Variants in DOHH observed in about 807,000 individuals in gnomAD.
DOHH encodes the protein deoxyhypusine hydroxylase, also known as HEAT-like (PBS lyase) repeat containing 1.
DOHH carries 16 observed loss-of-function variants against 19.9 expected under a neutral mutation model. The ratio of observed to expected loss-of-function variants is 0.80; its 90% CI spans 0.54 to 1.22. The LOEUF (loss-of-function observed/expected upper bound fraction) is 1.22. Ranked by LOEUF, DOHH falls within the 50% of genes most tolerant of loss-of-function variation. The probability of loss-of-function intolerance (pLI) is 0.00; values close to 1 mark genes in which losing one functional copy is unlikely to be tolerated. For missense variants in DOHH, 460 were observed against 460.6 expected, an observed-to-expected ratio of 1.00 and a Z score of 0.01; for synonymous variants, 233 against 217.0, an observed-to-expected ratio of 1.07 and a Z score of -0.65.
chr19:3,495,575 G>A lies in DOHH; in HGVS notation c.274+966C>T, dbSNP rs370852625. On this transcript the variant is annotated intron_variant, in intron 2 of 4. Transcript: ENST00000427575. ...AGGGATTGGGGATCTATGGCTTGTC[G>A]CTTGTTTTTATACGAGCAAAGAATG... is the stretch of plus-strand genomic sequence containing the variant. Among the ~76,000 whole-genome samples, 17 of 152,274 alleles carry A rather than the reference G, an allele frequency of 1.1e-4. No homozygotes were observed. In the East Asian group the frequency reaches 1.3e-3, roughly 12 times the overall value.
rs541126455 is a variant in DOHH at position 3,492,600 on chromosome 19, G to A, written c.352-101C>T. On this transcript the variant is annotated intron_variant, in intron 3 of 4. Coordinates refer to ENST00000427575, the MANE Select transcript of DOHH (RefSeq NM_001145165.2). Reference sequence around the variant, plus strand: ...AGCTTAGCAGGGGAGAGAGACACTGGCAGGGTGACTAACCCATCATTCCAG... The same window carrying A: ...AGCTTAGCAGGGGAGAGAGACACTGACAGGGTGACTAACCCATCATTCCAG... The A allele has an allele frequency of 1.1e-5, 10 of 947,146 alleles. No homozygotes were observed. In the East Asian group the frequency reaches 2.6e-4, roughly 25 times the overall value. The allele number at this position is 947,146 out of a possible 1,614,324, so 58.7% of individuals were successfully genotyped here.
At chr19:3,499,161 G>A (rs116099208) in intron 1 of DOHH, among the ~76,000 whole-genome samples, 2,691 of 152,192 alleles carry the variant, frequency 0.018, 76 homozygotes, top group African/African-American at 0.061. Flanking sequence ...ATAGCAGCCC[G>A]ACCCTCAGTT....
chr19:3,491,193 G>T lies in DOHH; in HGVS notation c.*299C>A. 4.3e-6 allele frequency: 2 copies of T among 469,924 alleles called. No homozygotes were observed. The highest frequency in any genetic ancestry group is 7.5e-6 in the Non-Finnish European group (2 of 268,248). 29.1% of individuals were successfully genotyped at this position (469,924 alleles called of 1,614,324 possible). On this transcript the variant is annotated 3_prime_UTR_variant, in exon 5 of 5. Coordinates refer to ENST00000427575, the MANE Select transcript of DOHH (RefSeq NM_001145165.2). This position sits in a 1 kb window ranked among gnomAD's most constrained non-coding sequence, Gnocchi z 5.6. Reference sequence around the variant, plus strand: ...TCGCGATCCTCCCCTGGCTTCCCTCGCAATCCTCCCCTGTCCTGAGCCGGG... The same window carrying T: ...TCGCGATCCTCCCCTGGCTTCCCTCTCAATCCTCCCCTGTCCTGAGCCGGG...
At chr19:3,498,953 G>A (rs1434758871) in intron 1 of DOHH, among the ~76,000 whole-genome samples, 1 of 152,200 alleles carries the variant, frequency 6.6e-6, no homozygotes, top group Non-Finnish European at 1.5e-5. Context: ...ATTAAAAGAA[G>A]TTAGTCACTT....
At chr19:3,499,557 G>C (rs570558174) in intron 1 of DOHH, among the ~76,000 whole-genome samples, 201 of 152,280 alleles carry the variant, frequency 1.3e-3, no homozygotes, top group African/African-American at 4.5e-3. Flanking sequence ...CAGACCATCT[G>C]AGTTCAGGAG....
At chr19:3,492,547 G>A in intron 3 of DOHH, 48 bp from the exon 4 acceptor site, 1 of 1,328,092 alleles carries the variant, frequency 7.5e-7, no homozygotes, top group Non-Finnish European at 9.6e-7. Context: ...GGGGGTCGCA[G>A]GGGCCCTTCC....
chr19:3,499,026 G>A (rs1302987584), intron 1 of DOHH, among the ~76,000 whole-genome samples: 1 of 152,180 alleles, frequency 6.6e-6, no homozygotes, highest in African/African-American at 2.4e-5. Context: ...TATAAGCTCT[G>A]GAAAACTTTG....
In DOHH at chr19:3,496,807, G is replaced by A. The variant is rs200328323; in HGVS notation, c.8C>T (p.Thr3Met). 284 of 1,586,784 alleles carry A rather than the reference G, an allele frequency of 1.8e-4. No homozygotes were observed. Among genetic ancestry groups the A allele is most frequent in the Middle Eastern group, 4.0e-4 (2 of 4,976 alleles). Residue 3 changes from threonine to methionine, a missense_variant, in exon 2 of 5, where the codon ACG becomes ATG. Coordinates refer to ENST00000427575, the MANE Select transcript of DOHH (RefSeq NM_001145165.2). The surrounding 1 kb of genome is among the most constrained non-coding windows in gnomAD (Gnocchi z 4.8). The part of the protein sequence containing the change: MV[T>M]EQEVDAIGQT... Reference sequence around the variant, plus strand: ...CCCGATGGCATCCACCTCCTGCTCCGTCACCATCGTGCTGTCAATGGGTCC... The same window carrying A: ...CCCGATGGCATCCACCTCCTGCTCCATCACCATCGTGCTGTCAATGGGTCC...
At chr19:3,492,130 C>G in intron 4 of DOHH, 132 bp downstream of exon 4, 1 of 884,878 alleles carries the variant, frequency 1.1e-6, no homozygotes, top group Non-Finnish European at 1.6e-6. Context: ...TAAGAGGCCC[C>G]ATGGGAAATG....
chr19:3,492,471 C>T lies in DOHH; in HGVS notation c.380G>A (p.Arg127His), dbSNP rs2082878083. 2 of 1,413,260 alleles carry T rather than the reference C, an allele frequency of 1.4e-6. No individual in the cohort carries two copies. The highest frequency in any genetic ancestry group is 1.5e-5 in the African/African-American group (1 of 66,518). 87.5% of individuals were successfully genotyped at this position (1,413,260 alleles called of 1,614,324 possible). ...EVAETCQLAV[R>H]RLEWLQQHGG... ...GTGCTGCTGCAGCCACTCCAGCCTG[C>T]GCACGGCCAGCTGGCAGGTCTCGGC... is the stretch of plus-strand genomic sequence containing the variant. The change falls in exon 4 of 5, where the codon CGC becomes CAC. Residue 127 changes from arginine (R) to histidine (H), a missense_variant. Coordinates refer to ENST00000427575, the MANE Select transcript of DOHH (RefSeq NM_001145165.2).
intron 3 of DOHH, 38 bp downstream of exon 3, chr19:3,493,990 C>A (rs1308239601): frequency 6.3e-7 from 1 of 1,595,568 alleles, no homozygotes; most frequent in Admixed American, 1.7e-5. Context: ...TTCCCAGGGA[C>A]CCGAGACTGG....
Position 3,495,652 on chromosome 19 carries a change from G to A in DOHH, c.274+889C>T, listed in dbSNP as rs530656057. ...AGGCGGGGTGCGATGGCTCATGCCT[G>A]TAATCCCAGCACTTTGGGAGGCCGA... On this transcript the variant is annotated intron_variant, in intron 2 of 4. Transcript: ENST00000427575. Among the ~76,000 whole-genome samples, 26 of 152,298 alleles carry A rather than the reference G, an allele frequency of 1.7e-4. 1 individual carries two copies. The highest frequency in any genetic ancestry group is 5.5e-4 in the African/African-American group (23 of 41,564).
At chr19:3,493,725 C>A (rs1188710138) in intron 3 of DOHH, among the ~76,000 whole-genome samples, 1 of 151,934 alleles carries the variant, frequency 6.6e-6, no homozygotes, top group Non-Finnish European at 1.5e-5. Flanking sequence ...GGGGTCTTGG[C>A]AGAGGGACTG....
At chr19:3,492,620 T>G in intron 3 of DOHH, 121 bp from the exon 4 acceptor site, 1 of 802,006 alleles carries the variant, frequency 1.2e-6, no homozygotes, top group Non-Finnish European at 1.8e-6. Flanking sequence ...TAACCCATCA[T>G]TCCAGGCAGG....
intron 1 of DOHH, among the ~76,000 whole-genome samples, chr19:3,497,701 T>C (rs1257587757): frequency 6.6e-6 from 1 of 152,196 alleles, no homozygotes; most frequent in Non-Finnish European, 1.5e-5. Flanking sequence ...CACGGCTCAC[T>C]GTAGCCTCGA....
At chr19:3,492,643 A>T in intron 3 of DOHH, 144 bp from the exon 4 acceptor site, 1 of 667,230 alleles carries the variant, frequency 1.5e-6, no homozygotes, top group Non-Finnish European at 2.3e-6. Flanking sequence ...GTAAGCCAGC[A>T]GGGGTGGCTG....
chr19:3,491,660 GC>G lies in DOHH; in HGVS notation c.740del (p.Gly247AlafsTer81). On this transcript the variant is annotated frameshift_variant, in exon 5 of 5. Coordinates refer to ENST00000427575, the MANE Select transcript of DOHH (RefSeq NM_001145165.2). LOFTEE classifies it low-confidence loss of function (END_TRUNC). This position sits in a 1 kb window ranked among gnomAD's most constrained non-coding sequence, Gnocchi z 5.6. The stretch of plus-strand genomic sequence containing the variant: ...CCAGGCAGGCGGGCCGGGCAATGGC[GC>G]CCAGGGCCTCCGCGCACTCGTGCCG... Reference protein sequence around the residue: ...MVRHECAEALGAIARPACLAA... With the variant: ...MVRHECAEALXAIARPACLAA... The G allele has an allele frequency of 6.5e-7, 1 of 1,534,614 alleles. No individual in the cohort carries two copies. Among genetic ancestry groups the G allele is most frequent in the Non-Finnish European group, 8.7e-7 (1 of 1,144,678 alleles).
chr19:3,494,210 G>A (rs1450523688), intron 2 of DOHH, 106 bp from the exon 3 acceptor site: 6 of 984,036 alleles, frequency 6.1e-6, no homozygotes, highest in Non-Finnish European at 9.1e-6. Flanking sequence ...CTGCCACTGT[G>A]GGGAAGCCCC....
intron 2 of DOHH, among the ~76,000 whole-genome samples, chr19:3,494,405 A>G (rs2082893307): frequency 6.6e-6 from 1 of 152,232 alleles, no homozygotes; most frequent in Non-Finnish European, 1.5e-5. Flanking sequence ...ACTCGGGATC[A>G]CAGCTGACAA....
Sources: gnomAD v4.1 joint callset for allele counts (sites outside exome capture counted in the v4.1 genomes callset) on GRCh38, gnomAD v4.1.1 for gene constraint, Gnocchi (gnomAD v3.1) non-coding constraint, MANE v1.5 for transcripts, NCBI Gene and HGNC (gene_info 2026-07-23, HGNC 2026-07-21) for gene names.